MYH1: variants seen among roughly 807,000 people sequenced by gnomAD.
MYH1 encodes myosin-1.
In MYH1, 214 loss-of-function variants were observed where a neutral mutation model predicts 225.6. The ratio of observed to expected loss-of-function variants is 0.95; its 90% CI spans 0.85 to 1.06. The LOEUF (loss-of-function observed/expected upper bound fraction) is 1.06, where lower values mean the gene tolerates loss of function less well. MYH1 is among the 50% of genes least tolerant of loss of function. MYH1 has a pLI of 0.00. For synonymous variants in MYH1, 774 were observed against 842.3 expected, an observed-to-expected ratio of 0.92 and a Z score of 1.40; for missense variants, 2,098 against 2,344.2, an observed-to-expected ratio of 0.89 and a Z score of 2.17.
In MYH1 at chr17:10,504,929, C is replaced by T. The variant is rs112853460; in HGVS notation, c.2572G>A (p.Glu858Lys). The T allele has an allele frequency of 6.2e-7, 1 of 1,614,028 alleles. No homozygotes were observed. The highest frequency in any genetic ancestry group is 1.3e-5 in the African/African-American group (1 of 74,914). The change falls in exon 22 of 40, where the codon GAA (glutamate) becomes AAA (lysine). Residue 858 changes from glutamate (E) to lysine (K), a missense_variant. By Grantham distance (56) the Glu-to-Lys change is moderately conservative. Coordinates refer to ENST00000226207, the MANE Select transcript of MYH1 (RefSeq NM_005963.4). ...ETEKEMANMK[E>K]EFEKTKEELA... is the part of the protein sequence containing the mutation. ...TCTTCTTTGGTTTTCTCAAATTCTTCCTTCATGTTGGCCATCTCCTTCTCT... is the reference window on the plus strand; with the variant it reads ...TCTTCTTTGGTTTTCTCAAATTCTTTCTTCATGTTGGCCATCTCCTTCTCT...
At chr17:10,495,354 TGA>T in intron 35 of MYH1, 37 bp from the exon 36 acceptor site, 1 of 1,610,784 alleles carries the variant, frequency 6.2e-7, no homozygotes, top group South Asian at 1.1e-5. Flanking sequence ...ATTAGGCACA[TGA>T]GAGAAAAATT....
chr17:10,496,389 T>G lies in MYH1; in HGVS notation c.4817A>C (p.Asp1606Ala), dbSNP rs1330779806. ...ATCATTCCTGCTCCTGATCTCAGCA[T>G]CCAGTGTGCTCTGCATGGACTCCAC... ...RIVESMQSTL[D>A]AEIRSRNDAI... Residue 1606 changes from aspartate to alanine, a missense_variant, in exon 34 of 40, where the codon GAT becomes GCT. By Grantham distance (126) the Asp-to-Ala change is moderately radical (BLOSUM62 -2). Transcript: ENST00000226207. The G allele has an allele frequency of 1.9e-6, 3 of 1,613,952 alleles. No homozygotes were observed. Among genetic ancestry groups the G allele is most frequent in the Non-Finnish European group, 2.5e-6 (3 of 1,180,020 alleles).
chr17:10,496,547 T>A lies in MYH1; in HGVS notation c.4659A>T (p.Ala1553=). Reference sequence around the variant, plus strand: ...TCTTTCCCTCTTCATGTTCAAGAGATGCCTTAATGACAGCAAGAGGTGACA... The same window carrying A: ...TCTTTCCCTCTTCATGTTCAAGAGAAGCCTTAATGACAGCAAGAGGTGACA... The part of the protein sequence containing the change: ...ELQAALEEAE[A]SLEHEEGKIL... Residue 1553 remains alanine, a splice_region_variant and synonymous_variant, in exon 34 of 40, where the codon GCA becomes GCT. Coordinates refer to ENST00000226207, the MANE Select transcript of MYH1 (RefSeq NM_005963.4). The A allele has an allele frequency of 1.2e-6, 2 of 1,614,168 alleles. No individual in the cohort carries two copies. Among genetic ancestry groups the A allele is most frequent in the Non-Finnish European group, 1.7e-6 (2 of 1,180,038 alleles).
At chr17:10,514,808 G>T (rs1163742448) in intron 6 of MYH1, 60 bp downstream of exon 6, 8 of 1,482,158 alleles carry the variant, frequency 5.4e-6, no homozygotes, top group Admixed American at 3.6e-5. Flanking sequence ...TTCTTTTTTT[G>T]GTTTGTCATT....
rs772815586 is a variant in MYH1 at position 10,506,151 on chromosome 17, C to CAT, written c.1969-54_1969-53dup. The CAT allele has an allele frequency of 1.1e-5, 17 of 1,596,808 alleles. No individual in the cohort carries two copies. In the South Asian group the frequency reaches 1.1e-4, roughly 10 times the overall value. ...TAAAAAATGTACTGTTTTCTACATT[C>CAT]ATATTTATAGACATAATTATTGAGA... On this transcript the variant is annotated intron_variant, in intron 17 of 39. Transcript: ENST00000226207.
intron 28 of MYH1, among the ~76,000 whole-genome samples, chr17:10,500,076 G>T (rs2073035831): frequency 6.6e-6 from 1 of 152,114 alleles, no homozygotes; most frequent in South Asian, 2.1e-4. Context: ...ACTTAACCGT[G>T]TTAGTTACCA....
chr17:10,518,135 T>G (rs2073247555), intron 2 of MYH1, 105 bp downstream of exon 2: 2 of 152,058 alleles, frequency 1.3e-5, no homozygotes, highest in African/African-American at 4.8e-5. Flanking sequence ...TGGAAATGAT[T>G]TTTTTTATCA....
rs1242239056 is a variant in MYH1 at position 10,505,079 on chromosome 17, A to G, written c.2436-14T>C. On this transcript the variant is annotated splice_polypyrimidine_tract_variant and intron_variant, in intron 21 of 39. Coordinates refer to ENST00000226207, the MANE Select transcript of MYH1 (RefSeq NM_005963.4). ...AAGATGGACTCTCTGTCATAGGAAC[A>G]GAAATGTCCAAATCAGATTATAATA... The G allele has an allele frequency of 6.2e-7, 1 of 1,613,734 alleles. No homozygotes were observed. The highest frequency in any genetic ancestry group is 8.5e-7 in the Non-Finnish European group (1 of 1,179,832).
In MYH1 at chr17:10,497,456, A is replaced by T. The variant is rs1182105527; in HGVS notation, c.4366-4T>A. 2.5e-6 allele frequency: 4 copies of T among 1,596,260 alleles called. No individual in the cohort carries two copies. The highest frequency in any genetic ancestry group is 2.2e-5 in the East Asian group (1 of 44,848). ...TCTGTTTCCATTCTGCCAGGATCTG[A>T]AGGTCAAGGAATGGACAAGAAATTT... On this transcript the variant is annotated splice_polypyrimidine_tract_variant and splice_region_variant and intron_variant, in intron 31 of 39. Transcript: ENST00000226207.
intron 39 of MYH1, among the ~76,000 whole-genome samples, chr17:10,492,999 T>C (rs2072951031): frequency 6.6e-6 from 1 of 152,196 alleles, no homozygotes; most frequent in Non-Finnish European, 1.5e-5. Context: ...CCACTTAAGT[T>C]TAGAAATTAA....
Position 10,498,669 on chromosome 17 carries a change from C to T in MYH1, c.4138G>A (p.Glu1380Lys). 1 of 1,613,994 alleles carries T rather than the reference C, an allele frequency of 6.2e-7. No homozygotes were observed. The highest frequency in any genetic ancestry group is 8.5e-7 in the Non-Finnish European group (1 of 1,179,884). The stretch of plus-strand genomic sequence containing the variant: ...TCTGTGCGCTGGATGGCATCTGTCT[C>T]ATATTTGGTCCTCCACTGGGCAACC... Reference protein sequence around the residue: ...SEVAQWRTKYETDAIQRTEEL... With the variant: ...SEVAQWRTKYKTDAIQRTEEL... Residue 1380 changes from glutamate (E) to lysine (K), a missense_variant, in exon 30 of 40, where the codon GAG (glutamate) becomes AAG (lysine). By Grantham distance (56) the Glu-to-Lys change is moderately conservative. Coordinates refer to ENST00000226207, the MANE Select transcript of MYH1 (RefSeq NM_005963.4).
rs1404876002 is a variant in MYH1 at position 10,499,480 on chromosome 17, A to T, written c.3866-388T>A. On this transcript the variant is annotated intron_variant, in intron 28 of 39. Transcript: ENST00000226207. The stretch of plus-strand genomic sequence containing the variant: ...GAAAGTTGGTTGAAACAAAGGATTT[A>T]TACTGTGGAAAATAAGAGACTTTGG... Among the ~76,000 whole-genome samples, 3 of 152,348 alleles carry T rather than the reference A, an allele frequency of 2.0e-5. No homozygotes were observed. In the East Asian group the frequency reaches 5.8e-4, roughly 29 times the overall value.
intron 35 of MYH1, 125 bp from the exon 36 acceptor site, chr17:10,495,442 A>G: frequency 7.6e-7 from 1 of 1,318,826 alleles, no homozygotes; most frequent in Non-Finnish European, 1.0e-6. Flanking sequence ...TGTTTCATAA[A>G]TTATCTGAGT....
In MYH1 at chr17:10,512,146, C is replaced by G. The variant is rs191666546; in HGVS notation, c.1194G>C (p.Leu398=). ...AYLQNLNSAD[L]LKALCYPRVK... is the part of the protein sequence containing the mutation. ...CCCTAGGGTAGCAGAGGGCTTTGAG[C>G]AGATCTGCAGAGTTCAGATTTTGGA... Residue 398 remains leucine (L), a synonymous_variant, in exon 13 of 40, where the codon CTG becomes CTC. Transcript: ENST00000226207. 64 of 1,614,142 alleles carry G rather than the reference C, an allele frequency of 4.0e-5. 1 individual carries two copies. In the East Asian group the frequency reaches 7.8e-4, roughly 20 times the overall value.
rs1325155319 is a variant in MYH1 at position 10,517,397 on chromosome 17, AT to A, written c.-40-716del. Among the ~76,000 whole-genome samples, 6 of 152,144 alleles carry A rather than the reference AT, an allele frequency of 3.9e-5. No homozygotes were observed. In the East Asian group the frequency reaches 1.2e-3, roughly 29 times the overall value. On this transcript the variant is annotated intron_variant, in intron 2 of 39. Transcript: ENST00000226207. ...CTCAACTTCTTCACTGATCTTTAGCATTTCTTAAATATTTATTATAAAACGT... is the reference window on the plus strand; with the variant it reads ...CTCAACTTCTTCACTGATCTTTAGCATTCTTAAATATTTATTATAAAACGT...
Position 10,495,197 on chromosome 17 carries a change from T to C in MYH1, c.5290A>G (p.Thr1764Ala). ...NAEEKAKKAI[T>A]DAAMMAEELK... ...CTGTGTTACCCTTCACTCACATCAG[T>C]GATGGCCTTCTTGGCCTTCTCTTCT... The change falls in exon 36 of 40, where the codon ACT becomes GCT. Residue 1764 changes from threonine (T) to alanine (A), a missense_variant. Transcript: ENST00000226207. The C allele has an allele frequency of 6.2e-7, 1 of 1,614,254 alleles. No homozygotes were observed. Among genetic ancestry groups the C allele is most frequent in the Non-Finnish European group, 8.5e-7 (1 of 1,180,048 alleles).
At chr17:10,495,689 A>C (rs2142254429) in intron 35 of MYH1, among the ~76,000 whole-genome samples, 1 of 139,946 alleles carries the variant, frequency 7.1e-6, no homozygotes, top group South Asian at 2.5e-4. Flanking sequence ...TGAGCCCGGG[A>C]GGTGGAGCTT....
At position 10,492,328 on chromosome 17, in the gene MYH1, A is replaced by G. The variant is rs2072941399; in HGVS notation, c.*88T>C. The G allele has an allele frequency of 6.7e-7, 1 of 1,502,858 alleles. No homozygotes were observed. Among genetic ancestry groups the G allele is most frequent in the African/African-American group, 1.4e-5 (1 of 70,130 alleles). 93.1% of individuals were successfully genotyped at this position (1,502,858 alleles called of 1,614,324 possible). On this transcript the variant is annotated 3_prime_UTR_variant, in exon 40 of 40. Coordinates refer to ENST00000226207, the MANE Select transcript of MYH1 (RefSeq NM_005963.4). ...CAAGTTTTTGGCAGATAAATTTTTT[A>G]TCTCCAAAAGTCATAAGTACAAAAT...
chr17:10,494,750 A>G, intron 37 of MYH1, 77 bp from the exon 38 acceptor site: 1 of 1,595,764 alleles, frequency 6.3e-7, no homozygotes, highest in Non-Finnish European at 8.5e-7. Context: ...TACTTCTTCT[A>G]CTCTGCTTTA....
Sources: allele counts gnomAD v4.1 joint callset (sites outside exome capture counted in the v4.1 genomes callset), GRCh38; gene constraint gnomAD v4.1.1; transcripts MANE v1.5; gene names NCBI Gene and HGNC (gene_info 2026-07-23, HGNC 2026-07-21).